Variants in MIPOL1 observed in about 807,000 individuals in gnomAD.
The protein encoded by MIPOL1 is mirror-image polydactyly gene 1 protein.
In MIPOL1, 57 loss-of-function variants were observed where a neutral mutation model predicts 60.9. That is an observed-to-expected ratio of 0.94 (90% CI 0.76 to 1.17). The LOEUF (loss-of-function observed/expected upper bound fraction) is 1.17, where lower values mean the gene tolerates loss of function less well. Ranked by LOEUF, MIPOL1 falls within the 50% of genes most tolerant of loss-of-function variation. MIPOL1 has a pLI of 0.00. For missense variants in MIPOL1, 551 were observed against 511.6 expected (o/e 1.08, Z -0.74); for synonymous variants, 179 against 168.8 (o/e 1.06, Z -0.47).
At position 37,273,021 on chromosome 14, in the gene MIPOL1, A is replaced by T. The variant is rs541874045; in HGVS notation, c.493+2496A>T. Among the ~76,000 whole-genome samples, 4 of 151,382 alleles carry T rather than the reference A, an allele frequency of 2.6e-5. No individual in the cohort carries two copies. In the South Asian group the frequency reaches 6.2e-4, roughly 24 times the overall value. ...AAAATATAGAGATTTATATTTAAAG[A>T]TATTCATATAATATTAGTTGCAATA... On this transcript the variant is annotated intron_variant, in intron 6 of 12. Transcript: ENST00000684589.
intron 9 of MIPOL1, among the ~76,000 whole-genome samples, chr14:37,355,446 G>A (rs952198244): frequency 3.9e-4 from 58 of 150,594 alleles, no homozygotes; most frequent in African/African-American, 1.3e-3. Flanking sequence ...GAATCTGAAC[G>A]TTGGCCTGCC....
At chr14:37,440,837 A>G (rs1185226712) in intron 11 of MIPOL1, among the ~76,000 whole-genome samples, 1 of 152,172 alleles carries the variant, frequency 6.6e-6, no homozygotes, top group Non-Finnish European at 1.5e-5. Context: ...AGAAATCTCC[A>G]TACTGTTTTC....
intron 9 of MIPOL1, among the ~76,000 whole-genome samples, chr14:37,312,852 C>A (rs1462739838): frequency 1.3e-5 from 2 of 152,136 alleles, no homozygotes; most frequent in African/African-American, 2.4e-5. Context: ...GTAGAAATAT[C>A]TGGAATCAGA....
chr14:37,421,600 T>C (rs2093874035), intron 10 of MIPOL1, among the ~76,000 whole-genome samples: 1 of 152,112 alleles, frequency 6.6e-6, no homozygotes, highest in South Asian at 2.1e-4. Context: ...ATGGACTATG[T>C]CATGTTAAAG....
intron 1 of MIPOL1, among the ~76,000 whole-genome samples, chr14:37,221,353 G>A (rs1184182726): frequency 1.3e-5 from 2 of 151,984 alleles, no homozygotes; most frequent in Non-Finnish European, 2.9e-5. Context: ...TTGTGATAAT[G>A]TTATTAATCC....
chr14:37,379,705 T>A (rs1296887401), intron 10 of MIPOL1, among the ~76,000 whole-genome samples: 1 of 152,084 alleles, frequency 6.6e-6, no homozygotes, highest in African/African-American at 2.4e-5. Flanking sequence ...CAATTTCAGT[T>A]CATTGGTGGT....
chr14:37,507,602 CAG>C (rs1331044897), intron 12 of MIPOL1: 1 of 152,062 alleles, frequency 6.6e-6, no homozygotes, highest in Non-Finnish European at 1.5e-5. Context: ...CGGGACCTCT[CAG>C]GGACTGGGGG....
At chr14:37,457,581 T>C (rs2094491524) in intron 11 of MIPOL1, among the ~76,000 whole-genome samples, 2 of 152,198 alleles carry the variant, frequency 1.3e-5, no homozygotes, top group African/African-American at 4.8e-5. Context: ...GCACTAGCCA[T>C]ATTTGTAATC....
At chr14:37,405,725 TA>T (rs901194819) in intron 10 of MIPOL1, among the ~76,000 whole-genome samples, 23 of 150,660 alleles carry the variant, frequency 1.5e-4, no homozygotes, top group African/African-American at 3.9e-4. Context: ...ACTGTTTCAG[TA>T]AAAAAAAAGT....
Position 37,398,753 on chromosome 14 carries a change from A to G in MIPOL1, c.937-24102A>G, listed in dbSNP as rs78265466. On this transcript the variant is annotated intron_variant, in intron 10 of 12. Transcript: ENST00000684589. ...TACAAGGTGTGCAGGACATTGAACG[A>G]GTAAGATCTTTTCGTTTTTCTTTGA... Among the ~76,000 whole-genome samples the G allele has an allele frequency of 4.9e-3, 739 of 152,354 alleles. 4 individuals carry two copies. The highest frequency in any genetic ancestry group is 0.016 in the African/African-American group (651 of 41,590).
At chr14:37,490,793 A>C (rs1460856243) in intron 11 of MIPOL1, among the ~76,000 whole-genome samples, 1 of 152,166 alleles carries the variant, frequency 6.6e-6, no homozygotes, top group Non-Finnish European at 1.5e-5. Flanking sequence ...CTGTCCAGTC[A>C]GTCCCAATGA....
At chr14:37,536,123 A>G (rs553892571) in intron 12 of MIPOL1, among the ~76,000 whole-genome samples, 1 of 152,318 alleles carries the variant, frequency 6.6e-6, no homozygotes, top group South Asian at 2.1e-4. Flanking sequence ...ATTAGATTTG[A>G]TTAATTTTGA....
intron 11 of MIPOL1, among the ~76,000 whole-genome samples, chr14:37,448,594 A>G (rs1463998499): frequency 1.3e-5 from 2 of 152,228 alleles, no homozygotes; most frequent in African/African-American, 4.8e-5. Flanking sequence ...GCAGTTTTCA[A>G]AGACTTAACA....
intron 10 of MIPOL1, among the ~76,000 whole-genome samples, chr14:37,394,541 G>A (rs1213057829): frequency 6.6e-6 from 1 of 151,790 alleles, no homozygotes; most frequent in Non-Finnish European, 1.5e-5. Flanking sequence ...TTTCATGTTT[G>A]TTGGCCATTT....
At chr14:37,467,105 A>G (rs979685215) in intron 11 of MIPOL1, among the ~76,000 whole-genome samples, 14 of 152,224 alleles carry the variant, frequency 9.2e-5, no homozygotes, top group African/African-American at 3.4e-4. Context: ...ATCAGACTGC[A>G]AAGAAGAAAC....
chr14:37,490,248 CTG>C (rs1231690110), intron 11 of MIPOL1, among the ~76,000 whole-genome samples: 2 of 152,156 alleles, frequency 1.3e-5, no homozygotes, highest in African/African-American at 4.8e-5. Context: ...TTTGTTTACA[CTG>C]TGAGAGTAAA....
At chr14:37,313,776 A>T (rs941586341) in intron 9 of MIPOL1, among the ~76,000 whole-genome samples, 5 of 152,174 alleles carry the variant, frequency 3.3e-5, no homozygotes, top group African/African-American at 1.2e-4. Flanking sequence ...CTTTGATTAT[A>T]TTGCCAGGCT....
chr14:37,436,292 C>T (rs1162783497), intron 11 of MIPOL1, among the ~76,000 whole-genome samples: 1 of 152,012 alleles, frequency 6.6e-6, no homozygotes, highest in Admixed American at 6.6e-5. Flanking sequence ...CTGTGAACAC[C>T]AGCTATAGTC....
chr14:37,545,598 G>A (rs369066642), intron 12 of MIPOL1: 24 of 596,502 alleles, frequency 4.0e-5, no homozygotes, highest in Admixed American at 3.9e-4. Flanking sequence ...TCATTACTGT[G>A]TTCTTAAAGC....
Sources: allele counts gnomAD v4.1 joint callset (sites outside exome capture counted in the v4.1 genomes callset), GRCh38; gene constraint gnomAD v4.1.1; transcripts MANE v1.5; gene names NCBI Gene and HGNC (gene_info 2026-07-23, HGNC 2026-07-21).